PAPPA2: variants seen among roughly 807,000 people sequenced by gnomAD.
PAPPA2 encodes the protein pappalysin-2.
In PAPPA2, 86 loss-of-function variants were observed where a neutral mutation model predicts 176.4. That is an observed-to-expected ratio of 0.49 (90% confidence interval 0.41 to 0.58). The LOEUF (loss-of-function observed/expected upper bound fraction) is 0.58, where lower values mean the gene tolerates loss of function less well. Ranked by LOEUF, PAPPA2 falls within the 20% of genes least tolerant of loss-of-function variation. The probability of loss-of-function intolerance (pLI) is 0.00; values close to 1 mark genes in which losing one functional copy is unlikely to be tolerated. For synonymous variants in PAPPA2, 809 were observed against 852.2 expected (o/e 0.95, Z 0.88); for missense variants, 2,073 against 2,256.9 (o/e 0.92, Z 1.65).
At chr1:176,650,674 G>A (rs1186027831) in intron 3 of PAPPA2, among the ~76,000 whole-genome samples, 1 of 151,350 alleles carries the variant, frequency 6.6e-6, no homozygotes, top group African/African-American at 2.4e-5. Context: ...TTTTCTGTAT[G>A]TCTTTTAATT....
chr1:176,756,725 T>C (rs1414205990), intron 14 of PAPPA2, among the ~76,000 whole-genome samples: 2 of 152,182 alleles, frequency 1.3e-5, no homozygotes, highest in African/African-American at 4.8e-5. Flanking sequence ...ATTATTATTA[T>C]CATACTTTAA....
intron 17 of PAPPA2, among the ~76,000 whole-genome samples, chr1:176,782,432 C>G (rs1664759708): frequency 6.6e-6 from 1 of 151,764 alleles, no homozygotes; most frequent in Non-Finnish European, 1.5e-5. Flanking sequence ...AAAAAAGATG[C>G]TTTGATTAAA....
At chr1:176,617,464 C>T (rs556555649) in intron 3 of PAPPA2, among the ~76,000 whole-genome samples, 1 of 152,070 alleles carries the variant, frequency 6.6e-6, no homozygotes, top group Non-Finnish European at 1.5e-5. Context: ...TTATTTCTCA[C>T]CCCCTGAGTC....
chr1:176,561,066 T>C (rs1022166344), intron 2 of PAPPA2, among the ~76,000 whole-genome samples: 1 of 152,220 alleles, frequency 6.6e-6, no homozygotes, highest in African/African-American at 2.4e-5. Context: ...TTAGAGTATA[T>C]GCTTGTGTAG....
Position 176,842,597 on chromosome 1 carries a change from C to A in PAPPA2, c.*143C>A. On this transcript the variant is annotated 3_prime_UTR_variant, in exon 23 of 23. Coordinates refer to ENST00000367662, the MANE Select transcript of PAPPA2 (RefSeq NM_020318.3). ...AGCATGAAGGATCTTATAAGAAATG[C>A]AAGAGGATATTGATAGGTGTGAACT... 3.9e-6 allele frequency: 3 copies of A among 777,744 alleles called. No individual in the cohort carries two copies. Among genetic ancestry groups the A allele is most frequent in the Non-Finnish European group, 4.1e-6 (2 of 481,978 alleles). 48.2% of individuals were successfully genotyped at this position (777,744 alleles called of 1,614,324 possible).
chr1:176,573,098 AC>A (rs1187526185), intron 2 of PAPPA2, among the ~76,000 whole-genome samples: 1 of 152,144 alleles, frequency 6.6e-6, no homozygotes, highest in Non-Finnish European at 1.5e-5. Context: ...TGTGGGTGCC[AC>A]CAGGTCTCTG....
rs1225327022 is a variant in PAPPA2 at position 176,815,979 on chromosome 1, A to G, written c.5202+15847A>G. On this transcript the variant is annotated intron_variant, in intron 21 of 22. Coordinates refer to ENST00000367662, the MANE Select transcript of PAPPA2 (RefSeq NM_020318.3). Reference sequence around the variant, plus strand: ...GAGTTCTTTCCGTCCTTTTTCCACAAGGAACCTTCTTGTGGACAAATTGTG... The same window carrying G: ...GAGTTCTTTCCGTCCTTTTTCCACAGGGAACCTTCTTGTGGACAAATTGTG... Among the ~76,000 whole-genome samples the G allele has an allele frequency of 2.6e-5, 4 of 151,474 alleles. No individual in the cohort carries two copies. In the East Asian group the frequency reaches 5.9e-4, roughly 22 times the overall value.
intron 7 of PAPPA2, among the ~76,000 whole-genome samples, chr1:176,697,528 A>G (rs1439143520): frequency 6.6e-6 from 1 of 152,226 alleles, no homozygotes; most frequent in Non-Finnish European, 1.5e-5. Flanking sequence ...GAGCAGGCAC[A>G]AACACATGTA....
intron 1 of PAPPA2, among the ~76,000 whole-genome samples, chr1:176,549,249 G>C (rs1345763362): frequency 6.6e-6 from 1 of 152,210 alleles, no homozygotes. Flanking sequence ...CTGCATATCA[G>C]TGTTTTTAAT....
At chr1:176,599,235 A>C (rs1313961072) in intron 3 of PAPPA2, among the ~76,000 whole-genome samples, 1 of 151,906 alleles carries the variant, frequency 6.6e-6, no homozygotes. Context: ...ATATTTGCAT[A>C]TTCTTTTAGC....
intron 3 of PAPPA2, among the ~76,000 whole-genome samples, chr1:176,663,832 C>G (rs1323802888): frequency 6.6e-6 from 1 of 152,050 alleles, no homozygotes; most frequent in Non-Finnish European, 1.5e-5. Context: ...TCCTGGGGAC[C>G]TCTCCCACTA....
Position 176,770,993 on chromosome 1 carries a change from G to A in PAPPA2, c.4528G>A (p.Glu1510Lys). The A allele has an allele frequency of 6.2e-7, 1 of 1,614,118 alleles. No homozygotes were observed. The highest frequency in any genetic ancestry group is 8.5e-7 in the Non-Finnish European group (1 of 1,180,020). ...QGLSPWLTCL[E>K]DGLWSLPEVY... ...ACTGAGCCCATGGCTGACATGTCTT[G>A]AAGATGGTCTCTGGTCTCTCCCTGA... Residue 1510 changes from glutamate to lysine, a missense_variant, in exon 17 of 23, where the codon GAA becomes AAA. Glu to Lys is a moderately conservative substitution (Grantham distance 56). Transcript: ENST00000367662.
Position 176,574,806 on chromosome 1 carries a change from A to G in PAPPA2, c.919+17565A>G, listed in dbSNP as rs543139659. On this transcript the variant is annotated intron_variant, in intron 2 of 22. Transcript: ENST00000367662. ...AGTGGCCACATAAGATTATAATACC[A>G]TATTTTTACTGTACCTTTTCTATGT... 5.9e-5 allele frequency among the ~76,000 whole-genome samples: 9 copies of G among 152,320 alleles called. No homozygotes were observed. In the South Asian group the frequency reaches 1.7e-3, roughly 28 times the overall value.
intron 17 of PAPPA2, among the ~76,000 whole-genome samples, chr1:176,784,840 C>T (rs1055200274): frequency 6.6e-6 from 1 of 152,138 alleles, no homozygotes; most frequent in African/African-American, 2.4e-5. Context: ...CCCACCTTGG[C>T]CTCCCAAAGT....
At chr1:176,488,436 A>G (rs989650181) in intron 1 of PAPPA2, among the ~76,000 whole-genome samples, 4 of 152,156 alleles carry the variant, frequency 2.6e-5, no homozygotes, top group African/African-American at 9.7e-5. Flanking sequence ...AAGCAGAGTG[A>G]TGGTGGAGAG....
chr1:176,534,501 CT>C (rs1051630869), intron 1 of PAPPA2, among the ~76,000 whole-genome samples: 2 of 152,126 alleles, frequency 1.3e-5, no homozygotes, highest in African/African-American at 4.8e-5. Flanking sequence ...GATCGGCTGC[CT>C]TTAGATAAGA....
At chr1:176,642,991 G>A (rs1657184770) in intron 3 of PAPPA2, among the ~76,000 whole-genome samples, 1 of 151,604 alleles carries the variant, frequency 6.6e-6, no homozygotes, top group South Asian at 2.1e-4. Context: ...GCCTTTTCTG[G>A]GTGTCAGTTT....
intron 3 of PAPPA2, among the ~76,000 whole-genome samples, chr1:176,623,739 T>C (rs1324141058): frequency 8.6e-6 from 1 of 115,926 alleles, no homozygotes; most frequent in East Asian, 2.4e-4. Context: ...TTTCTTTCTT[T>C]CTCTCTCTTT....
chr1:176,816,253 A>ATATATAAG (rs1553209488), intron 21 of PAPPA2, among the ~76,000 whole-genome samples: 1 of 138,124 alleles, frequency 7.2e-6, no homozygotes, highest in African/African-American at 2.8e-5. Flanking sequence ...ATATATATAT[A>ATATATAAG]TATGTATGTA....
Sources: allele counts gnomAD v4.1 joint callset (sites outside exome capture counted in the v4.1 genomes callset), GRCh38; gene constraint gnomAD v4.1.1; transcripts MANE v1.5; gene names NCBI Gene and HGNC (gene_info 2026-07-23, HGNC 2026-07-21).